NAMPT: variants seen among roughly 807,000 people sequenced by gnomAD.
NAMPT encodes the protein NAmPRTase.
In NAMPT, 7 loss-of-function variants were observed where a neutral mutation model predicts 58.7. The ratio of observed to expected loss-of-function variants is 0.12; its 90% CI spans 0.07 to 0.22. The LOEUF (loss-of-function observed/expected upper bound fraction) is 0.22, where lower values mean the gene tolerates loss of function less well. Ranked by LOEUF, NAMPT falls within the 10% of genes least tolerant of loss-of-function variation. NAMPT has a pLI of 1.00. For synonymous variants in NAMPT, 145 were observed against 198.1 expected, an observed-to-expected ratio of 0.73 and a Z score of 2.25; for missense variants, 271 against 567.9, an observed-to-expected ratio of 0.48 and a Z score of 5.31.
chr7:106,275,581 G>C (rs1247016969), intron 2 of NAMPT: 1 of 152,260 alleles, frequency 6.6e-6, no homozygotes. Flanking sequence ...TAAGACATAC[G>C]AACCACTTAC....
At chr7:106,268,390 G>C in intron 6 of NAMPT, 74 bp downstream of exon 6, 2 of 1,420,932 alleles carry the variant, frequency 1.4e-6, no homozygotes, top group East Asian at 2.3e-5. Context: ...TCTGCAGTTA[G>C]GTAAAATGTC....
At chr7:106,272,940 CA>C (rs1292879395) in intron 3 of NAMPT, among the ~76,000 whole-genome samples, 1 of 152,062 alleles carries the variant, frequency 6.6e-6, no homozygotes. Flanking sequence ...CCAAACTCAT[CA>C]AAACCAAACT....
chr7:106,258,639 G>C (rs983748302), intron 8 of NAMPT, among the ~76,000 whole-genome samples: 1 of 152,154 alleles, frequency 6.6e-6, no homozygotes, highest in Admixed American at 6.5e-5. Context: ...GGAATTTTTT[G>C]ATTTCCCATT....
At chr7:106,273,292 G>A (rs1792573416) in intron 3 of NAMPT, among the ~76,000 whole-genome samples, 2 of 152,122 alleles carry the variant, frequency 1.3e-5, no homozygotes, top group Admixed American at 6.6e-5. Flanking sequence ...TCCAAAATTA[G>A]GCTGAAGGTT....
chr7:106,265,613 T>C (rs1006695109), intron 6 of NAMPT, among the ~76,000 whole-genome samples: 2 of 150,096 alleles, frequency 1.3e-5, no homozygotes, highest in South Asian at 2.1e-4. Flanking sequence ...GTTTCCAGTA[T>C]CTGTATCTTA....
Position 106,263,466 on chromosome 7 carries a change from T to C in NAMPT, c.895A>G (p.Ile299Val). 2 of 1,600,850 alleles carry C rather than the reference T, an allele frequency of 1.2e-6. No individual in the cohort carries two copies. Among genetic ancestry groups the C allele is most frequent in the Non-Finnish European group, 1.7e-6 (2 of 1,168,194 alleles). ...KIWGEDLRHLIVSRSTQAPLI... is the reference protein window; with the variant it reads ...KIWGEDLRHLVVSRSTQAPLI... ...GGTGCCTGTGTACTTCTTGATACTA[T>C]TAAATGTCTTAGATCTTCACCCCAT... Residue 299 changes from isoleucine (I) to valine (V), a missense_variant, in exon 7 of 11, where the codon ATA becomes GTA. Transcript: ENST00000222553.
chr7:106,260,221 C>A (rs1792279582), intron 8 of NAMPT, among the ~76,000 whole-genome samples: 1 of 152,234 alleles, frequency 6.6e-6, no homozygotes, highest in Non-Finnish European at 1.5e-5. Flanking sequence ...TAGTCACCTG[C>A]ATCAATGATC....
rs1422641935 is a variant in NAMPT, at chr7:106,249,088, GTTTCT to G, written c.*1990_*1994del. ...ATTATCAAAACTATTATTGGTAATA[GTTTCT>G]TTTGATTCTTTACACGCCCCTTAGC... On this transcript the variant is annotated 3_prime_UTR_variant, in exon 11 of 11. Coordinates refer to ENST00000222553, the MANE Select transcript of NAMPT (RefSeq NM_005746.3). 3.3e-5 allele frequency: 5 copies of G among 152,376 alleles called. No homozygotes were observed. The highest frequency in any genetic ancestry group is 2.1e-4 in the South Asian group (1 of 4,822). 9.4% of individuals were successfully genotyped at this position (152,376 alleles called of 1,614,324 possible). A position where few individuals can be genotyped will look rare whatever the true frequency, so the allele number is the denominator to read the frequency against.
intron 6 of NAMPT, among the ~76,000 whole-genome samples, chr7:106,263,862 G>A (rs535526179): frequency 6.6e-6 from 1 of 151,926 alleles, no homozygotes; most frequent in South Asian, 2.1e-4. Flanking sequence ...TTCTAACCTC[G>A]TATTTTCAAC....
intron 3 of NAMPT, among the ~76,000 whole-genome samples, chr7:106,274,319 T>G (rs1457447525): frequency 2.6e-5 from 4 of 152,032 alleles, no homozygotes. Flanking sequence ...ATGAATTATC[T>G]TTCTCAAAAA....
chr7:106,285,780 G>C (rs1792870685), upstream of NAMPT: 1 of 162,164 alleles, frequency 6.2e-6, no homozygotes, highest in Admixed American at 6.5e-5. Flanking sequence ...GTTGAAAAGC[G>C]GGGGTGGAAT....
intron 1 of NAMPT, among the ~76,000 whole-genome samples, chr7:106,281,863 C>G (rs1374785147): frequency 6.6e-6 from 1 of 152,100 alleles, no homozygotes; most frequent in African/African-American, 2.4e-5. Context: ...ATCTCTTTTG[C>G]CACACCTTTA....
At chr7:106,275,337 T>G (rs563648201) in intron 2 of NAMPT, 1 of 186,260 alleles carries the variant, frequency 5.4e-6, no homozygotes, top group African/African-American at 2.3e-5. Context: ...TTTCTCTCGA[T>G]TAATTTTGGT....
intron 9 of NAMPT, 161 bp from the exon 10 acceptor site, chr7:106,253,312 C>T: frequency 1.5e-6 from 1 of 676,774 alleles, no homozygotes; most frequent in Non-Finnish European, 2.5e-6. Context: ...AAACATAACA[C>T]TTTAGCCTGT....
At position 106,250,289 on chromosome 7, in the gene NAMPT, A is replaced by G. The variant is rs1371013801; in HGVS notation, c.*794T>C. Reference sequence around the variant, plus strand: ...TTCTCTCTAAAAACATTATCTCCTTAAAATCTTGAGGTGCATATTAGAGCC... The same window carrying G: ...TTCTCTCTAAAAACATTATCTCCTTGAAATCTTGAGGTGCATATTAGAGCC... On this transcript the variant is annotated 3_prime_UTR_variant, in exon 11 of 11. Coordinates refer to ENST00000222553, the MANE Select transcript of NAMPT (RefSeq NM_005746.3). The G allele has an allele frequency of 1.3e-5, 2 of 152,346 alleles. No individual in the cohort carries two copies. Among genetic ancestry groups the G allele is most frequent in the Non-Finnish European group, 2.9e-5 (2 of 67,906 alleles). 9.4% of individuals were successfully genotyped at this position (152,346 alleles called of 1,614,324 possible). A position where few individuals can be genotyped will look rare whatever the true frequency, so the allele number is the denominator to read the frequency against.
Position 106,253,148 on chromosome 7 carries a change from T to C in NAMPT, c.1234A>G (p.Asn412Asp), listed in dbSNP as rs1422409337. 1 of 1,611,222 alleles carries C rather than the reference T, an allele frequency of 6.2e-7. No homozygotes were observed. The highest frequency in any genetic ancestry group is 8.5e-7 in the Non-Finnish European group (1 of 1,178,782). The stretch of plus-strand genomic sequence containing the variant: ...TCAGCAACTGGGTCCTTGAAGACGT[T>C]AATCTGAAATCCAAATTAAGAAAGT... ...SYVVTNGLGI[N>D]VFKDPVADPN... Residue 412 changes from asparagine (N) to aspartate (D), a missense_variant, in exon 10 of 11, where the codon AAC becomes GAC. By Grantham distance (23) the Asn-to-Asp change is conservative (BLOSUM62 1). This residue lies in a region of NAMPT where 143 missense variants were observed against 331.1 expected (regional missense o/e 0.43). Transcript: ENST00000222553.
chr7:106,269,703 T>A (rs573170940), intron 4 of NAMPT, among the ~76,000 whole-genome samples: 61 of 152,314 alleles, frequency 4.0e-4, no homozygotes, highest in Non-Finnish European at 7.5e-4. Context: ...CAATGTCAAA[T>A]TGCCCCAAGT....
chr7:106,265,567 T>TAA lies in NAMPT; in HGVS notation c.744-1952_744-1951dup, dbSNP rs35685666. On this transcript the variant is annotated intron_variant, in intron 6 of 10. Transcript: ENST00000222553. ...ACCTTGTGTGAAACACTCAAAAGCT[T>TAA]AAAAAAAAAAAAAAAAAAAAAGTCC... Among the ~76,000 whole-genome samples the TAA allele has an allele frequency of 8.3e-3, 966 of 116,416 alleles. 12 individuals carry two copies. Among genetic ancestry groups the TAA allele is most frequent in the African/African-American group, 0.021 (651 of 30,282 alleles). The allele number at this position is 116,416 out of a possible 152,430, so 76.4% of individuals were successfully genotyped here.
intron 6 of NAMPT, among the ~76,000 whole-genome samples, chr7:106,265,750 C>T (rs1335303227): frequency 6.6e-6 from 1 of 152,030 alleles, no homozygotes; most frequent in African/African-American, 2.4e-5. Flanking sequence ...CTCTATTCTT[C>T]TAGTACAGTA....
Sources: allele counts gnomAD v4.1 joint callset (sites outside exome capture counted in the v4.1 genomes callset), GRCh38; gene constraint gnomAD v4.1.1; regional missense constraint gnomAD v4.1.1; transcripts MANE v1.5; gene names NCBI Gene and HGNC (gene_info 2026-07-23, HGNC 2026-07-21).